ZNF469: variants seen among roughly 807,000 people sequenced by gnomAD.
ZNF469 encodes zinc finger protein 469.
Under a neutral mutation model 1.0 loss-of-function variants are expected in ZNF469, and 1 was observed. The ratio of observed to expected loss-of-function variants is 1.00; its 90% CI spans 0.35 to 4.73. ZNF469 has a LOEUF of 4.73. Ranked by LOEUF, ZNF469 falls within the 30% of genes most tolerant of loss-of-function variation. The pLI, the probability that ZNF469 is intolerant of heterozygous loss-of-function variation, is 0.16. For synonymous variants in ZNF469, 2,703 were observed against 2,363.4 expected (o/e 1.14, Z -4.17); for missense variants, 6,100 against 5,356.3 (o/e 1.14, Z -4.33).
chr16:88,185,599 T>C, the ZNF469 span, among the ~76,000 whole-genome samples: 1 of 147,784 alleles, frequency 6.8e-6, no homozygotes, highest in African/African-American at 2.5e-5. Flanking sequence ...TGCATACACA[T>C]GTGCCCAGAC....
At chr16:88,279,648 CAT>C in the ZNF469 span, among the ~76,000 whole-genome samples, 1 of 120,234 alleles carries the variant, frequency 8.3e-6, no homozygotes, top group Non-Finnish European at 1.8e-5. Flanking sequence ...CGGTCAGTAC[CAT>C]GTAGATATCA....
chr16:88,394,881 G>A (rs72805320), intron 1 of ZNF469, among the ~76,000 whole-genome samples: 16,774 of 152,042 alleles, frequency 0.11, 1,073 homozygotes, highest in African/African-American at 0.17. Flanking sequence ...CCACTGGGCA[G>A]GCACCCAATC....
chr16:88,312,520 C>T, the ZNF469 span, among the ~76,000 whole-genome samples: 1 of 152,204 alleles, frequency 6.6e-6, no homozygotes, highest in Non-Finnish European at 1.5e-5. Flanking sequence ...TTTGTGTTGG[C>T]TTTAAGACCC....
At chr16:88,143,709 G>C in the ZNF469 span, among the ~76,000 whole-genome samples, 29 of 152,344 alleles carry the variant, frequency 1.9e-4, no homozygotes, top group South Asian at 5.6e-3. Context: ...CATCACACAC[G>C]TTTGCTCTAA....
chr16:88,176,278 G>C, the ZNF469 span, among the ~76,000 whole-genome samples: 1 of 150,262 alleles, frequency 6.7e-6, no homozygotes, highest in African/African-American at 2.5e-5. Flanking sequence ...ACCCTGGGAT[G>C]CTTTTGTCTT....
At position 88,432,699 on chromosome 16, in the gene ZNF469, C is replaced by T. The variant is rs192819567; in HGVS notation, c.5229C>T (p.Pro1743=). 20 of 1,550,302 alleles carry T rather than the reference C, an allele frequency of 1.3e-5. No individual in the cohort carries two copies. Among genetic ancestry groups the T allele is most frequent in the East Asian group, 2.4e-5 (1 of 40,940 alleles). The change falls in exon 3 of 3, where the codon CCC becomes CCT. Residue 1743 remains proline, a synonymous_variant. Transcript: ENST00000565624. ...CCGGGAGTTTAGCAAAGTGCAGCCC[C>T]GACCAGGAACTTTCATTTCCTAAGA... The part of the protein sequence containing the change: ...LDAGSLAKCS[P]DQELSFPKNK...
chr16:88,304,998 A>T, the ZNF469 span, among the ~76,000 whole-genome samples: 1 of 152,084 alleles, frequency 6.6e-6, no homozygotes, highest in African/African-American at 2.4e-5. Context: ...AAGCCACTGG[A>T]TGATTTAGGA....
At chr16:88,306,611 G>C in the ZNF469 span, among the ~76,000 whole-genome samples, 21 of 152,198 alleles carry the variant, frequency 1.4e-4, no homozygotes, top group Non-Finnish European at 2.6e-4. Flanking sequence ...CCCATGACTA[G>C]CCTGAAGCCC....
Position 88,432,051 on chromosome 16 carries a change from G to T in ZNF469, c.4581G>T (p.Thr1527=), listed in dbSNP as rs188162391. The T allele has an allele frequency of 2.6e-6, 4 of 1,550,354 alleles. No homozygotes were observed. Among genetic ancestry groups the T allele is most frequent in the Admixed American group, 3.9e-5 (2 of 50,986 alleles). The change falls in exon 3 of 3, where the codon ACG becomes ACT. Residue 1527 remains threonine (T), a synonymous_variant. Coordinates refer to ENST00000565624, the MANE Select transcript of ZNF469 (RefSeq NM_001367624.2). ...DLSGGKVLSK[T]CPPERTVVPG... ...CGGGGGGAAAGGTGCTCAGTAAGAC[G>T]TGTCCCCCTGAACGGACAGTGGTTC...
chr16:88,273,804 A>ATTTTTT, the ZNF469 span, among the ~76,000 whole-genome samples: 53 of 135,208 alleles, frequency 3.9e-4, no homozygotes, highest in South Asian at 7.0e-4. Flanking sequence ...ACTGTGGAAT[A>ATTTTTT]TTTTTTTTTT....
chr16:88,269,268 G>A, the ZNF469 span, among the ~76,000 whole-genome samples: 1 of 147,448 alleles, frequency 6.8e-6, no homozygotes, highest in East Asian at 1.9e-4. Flanking sequence ...GCAAAATAGG[G>A]ATAAAAACTG....
At chr16:88,347,509 G>A in the ZNF469 span, among the ~76,000 whole-genome samples, 3 of 152,076 alleles carry the variant, frequency 2.0e-5, no homozygotes, top group Non-Finnish European at 2.9e-5. Context: ...CCTGACATCC[G>A]CAGGAACCAG....
chr16:88,238,186 C>T, the ZNF469 span, among the ~76,000 whole-genome samples: 10 of 152,382 alleles, frequency 6.6e-5, no homozygotes, highest in East Asian at 3.9e-4. Context: ...GGGATGCCCA[C>T]GCTGCCATGT....
intron 1 of ZNF469, among the ~76,000 whole-genome samples, chr16:88,422,875 A>AATGG (rs1360418465): frequency 2.1e-4 from 16 of 75,226 alleles, no homozygotes; most frequent in East Asian, 5.3e-4. Context: ...TGGATGAGTG[A>AATGG]ATGGATGGAT....
chr16:88,303,892 ACACTCAGTGCCACT>A, the ZNF469 span, among the ~76,000 whole-genome samples: 34 of 152,288 alleles, frequency 2.2e-4, no homozygotes, highest in African/African-American at 7.9e-4. Flanking sequence ...TCAGTGCCAC[ACACTCAGTGCCACT>A]CACTCAGTGT....
At chr16:88,245,483 CCT>C in the ZNF469 span, among the ~76,000 whole-genome samples, 4 of 152,274 alleles carry the variant, frequency 2.6e-5, no homozygotes, top group Non-Finnish European at 4.4e-5. Flanking sequence ...CTGTCATCTC[CCT>C]CTGTGGGTCC....
chr16:88,113,841 G>C, the ZNF469 span, among the ~76,000 whole-genome samples: 1 of 152,192 alleles, frequency 6.6e-6, no homozygotes, highest in Non-Finnish European at 1.5e-5. Flanking sequence ...CTCTTGCTTT[G>C]GAAAGCTCAC....
the ZNF469 span, among the ~76,000 whole-genome samples, chr16:88,120,789 C>T: frequency 1.3e-5 from 2 of 152,156 alleles, no homozygotes; most frequent in African/African-American, 4.8e-5. Context: ...TTGTCGACGG[C>T]GTCTCGTATG....
the ZNF469 span, among the ~76,000 whole-genome samples, chr16:88,120,924 A>G: frequency 4.6e-3 from 693 of 152,258 alleles, 5 homozygotes; most frequent in African/African-American, 0.016. Flanking sequence ...CTTGGTCCTC[A>G]GCCATGCGGC....
Sources: gnomAD v4.1 joint callset for allele counts (sites outside exome capture counted in the v4.1 genomes callset) on GRCh38, gnomAD v4.1.1 for gene constraint, MANE v1.5 for transcripts, NCBI Gene and HGNC (gene_info 2026-07-23, HGNC 2026-07-21) for gene names.